The following RGS22 variants were observed in gnomAD, a reference collection of about 807,000 sequenced individuals.
The protein encoded by RGS22 is regulator of G protein signaling 22.
Under a neutral mutation model 172.9 loss-of-function variants are expected in RGS22, and 148 were observed. The ratio of observed to expected loss-of-function variants is 0.86; its 90% confidence interval spans 0.75 to 0.98. RGS22 has a LOEUF of 0.98. Ranked by LOEUF, RGS22 falls within the 50% of genes least tolerant of loss-of-function variation. RGS22 has a pLI of 0.00. For synonymous variants in RGS22, 458 were observed against 480.2 expected (o/e 0.95, Z 0.60); for missense variants, 1,347 against 1,440.8 (o/e 0.93, Z 1.05).
chr8:100,019,413 G>T (rs1009217112), intron 14 of RGS22, among the ~76,000 whole-genome samples: 1 of 152,182 alleles, frequency 6.6e-6, no homozygotes, highest in African/African-American at 2.4e-5. Context: ...TGATTGCCTG[G>T]TAACACTGAT....
At chr8:99,982,454 C>G (rs1452282330) in intron 21 of RGS22, among the ~76,000 whole-genome samples, 1 of 152,192 alleles carries the variant, frequency 6.6e-6, no homozygotes. Context: ...AGCTGAGCCT[C>G]AAGACACAGG....
At chr8:100,065,364 A>G (rs1810466587) in intron 7 of RGS22, among the ~76,000 whole-genome samples, 2 of 152,180 alleles carry the variant, frequency 1.3e-5, no homozygotes, top group Non-Finnish European at 2.9e-5. Context: ...ATATACTTCA[A>G]TATTTTGGGA....
intron 10 of RGS22, among the ~76,000 whole-genome samples, chr8:100,048,755 T>C (rs550166893): frequency 1.8e-3 from 280 of 152,246 alleles, no homozygotes; most frequent in African/African-American, 6.6e-3. Flanking sequence ...GCTGAGCTTA[T>C]TATTAAAAGT....
chr8:99,978,063 C>CA lies in RGS22; in HGVS notation c.3372dup (p.Gly1125TrpfsTer5). 1 of 1,509,288 alleles carries CA rather than the reference C, an allele frequency of 6.6e-7. No homozygotes were observed. Among genetic ancestry groups the CA allele is most frequent in the Non-Finnish European group, 8.8e-7 (1 of 1,139,404 alleles). 93.5% of individuals were successfully genotyped at this position (1,509,288 alleles called of 1,614,324 possible). A position where few individuals can be genotyped will look rare whatever the true frequency, so the allele number is the denominator to read the frequency against. ...TGAGGCCAGAATTTAAACAGAACCC[C>CA]AAAAATTGTCATCTGTATAAAAAAA... On this transcript the variant is annotated frameshift_variant, in exon 23 of 28. Transcript: ENST00000360863. LOFTEE classifies it high-confidence loss of function.
At chr8:100,057,638 C>T (rs1488057667) in intron 9 of RGS22, among the ~76,000 whole-genome samples, 1 of 152,168 alleles carries the variant, frequency 6.6e-6, no homozygotes, top group African/African-American at 2.4e-5. Flanking sequence ...TGCCTGCTGC[C>T]ATGTAAGACA....
At chr8:99,965,263 G>T in intron 24 of RGS22, 72 bp downstream of exon 24, 1 of 961,192 alleles carries the variant, frequency 1.0e-6, no homozygotes, top group South Asian at 1.4e-5. Context: ...ACTGTACAAT[G>T]ACTGAGTTAC....
intron 9 of RGS22, among the ~76,000 whole-genome samples, chr8:100,055,619 C>T (rs1242351236): frequency 6.6e-6 from 1 of 152,164 alleles, no homozygotes; most frequent in Non-Finnish European, 1.5e-5. Context: ...TCCCACGTGT[C>T]ATGGGAGGGA....
intron 23 of RGS22, among the ~76,000 whole-genome samples, chr8:99,977,270 A>ATTTCTTTTTTTTTTT (rs1428079850): frequency 1.7e-5 from 2 of 120,390 alleles, no homozygotes; most frequent in Non-Finnish European, 3.4e-5. Flanking sequence ...CGCCCGGTTA[A>ATTTCTTTTTTTTTTT]TTTTTTTTTT....
chr8:100,075,913 T>C (rs1339750015), intron 4 of RGS22, among the ~76,000 whole-genome samples: 1 of 152,162 alleles, frequency 6.6e-6, no homozygotes, highest in East Asian at 1.9e-4. Flanking sequence ...TTTTTTTTAA[T>C]CATAGCCATC....
chr8:100,063,434 T>C lies in RGS22; in HGVS notation c.1334A>G (p.Asp445Gly). Residue 445 changes from aspartate to glycine, a missense_variant, in exon 8 of 28, where the codon GAT becomes GGT. Transcript: ENST00000360863. ...GAATTACCTTTGATGTCTTCCAGGA[T>C]CCTTAAGAACTTTTAACCTCTCAAT... The part of the protein sequence containing the change: ...MDIERLKVLK[D>G]PGRHQRHLEK... 6.3e-7 allele frequency: 1 copy of C among 1,582,760 alleles called. No individual in the cohort carries two copies. The highest frequency in any genetic ancestry group is 8.6e-7 in the Non-Finnish European group (1 of 1,166,960).
At chr8:99,990,524 C>G (rs188834900) in intron 20 of RGS22, among the ~76,000 whole-genome samples, 1 of 152,102 alleles carries the variant, frequency 6.6e-6, no homozygotes, top group Non-Finnish European at 1.5e-5. Flanking sequence ...TGGCATGCAA[C>G]GTGGGGGCTC....
rs72050805 is a variant in RGS22, at chr8:100,060,402, G to GTATATATA, written c.1514+2181_1514+2188dup. ...GATAAATCTGCAACTTTAGCTACGT[G>GTATATATA]TATATATATATATATATATACACAC... On this transcript the variant is annotated intron_variant, in intron 9 of 27. Transcript: ENST00000360863. Among the ~76,000 whole-genome samples, 70 of 102,974 alleles carry GTATATATA rather than the reference G, an allele frequency of 6.8e-4. 5 individuals carry two copies. The East Asian group carries it at 6.9e-3, about 10-fold the overall frequency. The allele number at this position is 102,974 out of a possible 152,430, so 67.6% of individuals were successfully genotyped here.
Position 100,096,793 on chromosome 8 carries a change from G to C in RGS22, c.55-3284C>G, listed in dbSNP as rs1438723739. Among the ~76,000 whole-genome samples, 5 of 149,496 alleles carry C rather than the reference G, an allele frequency of 3.3e-5. No homozygotes were observed. The East Asian group carries it at 9.9e-4, about 29-fold the overall frequency. On this transcript the variant is annotated intron_variant, in intron 2 of 27. Coordinates refer to ENST00000360863, the MANE Select transcript of RGS22 (RefSeq NM_015668.5). ...CGAAGTGCTGGGATTACAAGCATGAGCCAACACACCCAGCCTAATTTCTTT... is the reference window on the plus strand; with the variant it reads ...CGAAGTGCTGGGATTACAAGCATGACCCAACACACCCAGCCTAATTTCTTT...
At position 100,006,011 on chromosome 8, in the gene RGS22, C is replaced by T. The variant is rs367949305; in HGVS notation, c.2454+6G>A. On this transcript the variant is annotated splice_donor_region_variant and intron_variant, in intron 16 of 27. Transcript: ENST00000360863. ...GTTTGTTTTTCTAAGTAGAAAGTTGCCTTACCTCAGCTTTCTTGGAAAATG... is the reference window on the plus strand; with the variant it reads ...GTTTGTTTTTCTAAGTAGAAAGTTGTCTTACCTCAGCTTTCTTGGAAAATG... 6.8e-6 allele frequency: 11 copies of T among 1,610,546 alleles called. No individual in the cohort carries two copies. The highest frequency in any genetic ancestry group is 9.3e-6 in the Non-Finnish European group (11 of 1,177,812).
At chr8:100,050,844 T>C (rs1821198695) in intron 10 of RGS22, 4 of 152,220 alleles carry the variant, frequency 2.6e-5, no homozygotes, top group Admixed American at 2.0e-4. Flanking sequence ...ATTCAATTTA[T>C]ACTTACTCAG....
intron 14 of RGS22, among the ~76,000 whole-genome samples, chr8:100,012,581 CAAAG>C (rs1431225538): frequency 1.3e-5 from 2 of 149,918 alleles, no homozygotes; most frequent in African/African-American, 4.9e-5. Context: ...AGGAGAGAGA[CAAAG>C]AGGGAGAGAC....
chr8:100,018,093 C>G (rs2131432442), intron 14 of RGS22, among the ~76,000 whole-genome samples: 2 of 152,224 alleles, frequency 1.3e-5, no homozygotes, highest in Middle Eastern at 6.8e-3. Context: ...CAACATGGCT[C>G]TAAGCCTCAT....
intron 3 of RGS22, chr8:100,093,069 C>G (rs1812704379): frequency 6.4e-6 from 1 of 155,866 alleles, no homozygotes; most frequent in African/African-American, 2.4e-5. Flanking sequence ...ACTTGGGAGG[C>G]AGGAGGATCG....
At chr8:100,016,584 T>A (rs1816982461) in intron 14 of RGS22, among the ~76,000 whole-genome samples, 1 of 152,066 alleles carries the variant, frequency 6.6e-6, no homozygotes, top group Non-Finnish European at 1.5e-5. Context: ...GAGACCATCC[T>A]GGCTAACATG....
Sources: allele counts gnomAD v4.1 joint callset (sites outside exome capture counted in the v4.1 genomes callset), GRCh38; gene constraint gnomAD v4.1.1; transcripts MANE v1.5; gene names NCBI Gene and HGNC (gene_info 2026-07-23, HGNC 2026-07-21).